The following ASB7 variants were observed in gnomAD, a reference collection of about 807,000 sequenced individuals.
The protein encoded by ASB7 is ankyrin repeat and SOCS box protein 7.
Under a neutral mutation model 32.5 loss-of-function variants are expected in ASB7, and 4 were observed. The ratio of observed to expected loss-of-function variants is 0.12; its 90% confidence interval spans 0.06 to 0.28. ASB7 has a LOEUF of 0.28. Ranked by LOEUF, ASB7 falls within the 10% of genes least tolerant of loss-of-function variation. The probability of loss-of-function intolerance (pLI) is 1.00; values close to 1 mark genes in which losing one functional copy is unlikely to be tolerated. For synonymous variants in ASB7, 172 were observed against 155.6 expected, an observed-to-expected ratio of 1.11 and a Z score of -0.78; for missense variants, 181 against 407.1, an observed-to-expected ratio of 0.44 and a Z score of 4.78.
At chr15:100,605,514 T>C (rs1375255392) in intron 2 of ASB7, among the ~76,000 whole-genome samples, 1 of 152,262 alleles carries the variant, frequency 6.6e-6, no homozygotes, top group Non-Finnish European at 1.5e-5. Context: ...TAGTTAATAC[T>C]ATGACACATA....
rs953774412 is a variant in ASB7 at position 100,646,004 on chromosome 15, C to T, written c.818-2319C>T. 3.4e-5 allele frequency: 16 copies of T among 474,102 alleles called. No individual in the cohort carries two copies. In the East Asian group the frequency reaches 4.4e-4, roughly 13 times the overall value. 29.4% of individuals were successfully genotyped at this position (474,102 alleles called of 1,614,324 possible). On this transcript the variant is annotated intron_variant, in intron 5 of 5. Coordinates refer to ENST00000332783, the MANE Select transcript of ASB7 (RefSeq NM_198243.3). ...CAGTTTGTGGATTCCTCCATTTCATCTTCTTCTGTAGGGACAGTAGACCAG... is the reference window on the plus strand; with the variant it reads ...CAGTTTGTGGATTCCTCCATTTCATTTTCTTCTGTAGGGACAGTAGACCAG...
intron 4 of ASB7, among the ~76,000 whole-genome samples, chr15:100,613,199 A>G (rs942343674): frequency 2.6e-5 from 4 of 152,234 alleles, no homozygotes; most frequent in African/African-American, 9.6e-5. Context: ...CTCAAATTAC[A>G]TACATGCCAT....
At chr15:100,630,368 A>G (rs1295636087) in intron 5 of ASB7, among the ~76,000 whole-genome samples, 1 of 152,224 alleles carries the variant, frequency 6.6e-6, no homozygotes, top group Non-Finnish European at 1.5e-5. Flanking sequence ...TCATAAGGAT[A>G]ATCTTACCTG....
intron 5 of ASB7, among the ~76,000 whole-genome samples, chr15:100,635,718 ACT>A: frequency 6.6e-6 from 1 of 151,804 alleles, no homozygotes; most frequent in Middle Eastern, 3.4e-3. Flanking sequence ...CTTCTGATTC[ACT>A]CTCAGTCTTT....
At chr15:100,616,188 G>GA (rs779826875) in intron 4 of ASB7, among the ~76,000 whole-genome samples, 5 of 151,368 alleles carry the variant, frequency 3.3e-5, no homozygotes, top group South Asian at 4.2e-4. Context: ...TTTTTTCTTG[G>GA]AAAAAATGAC....
intron 4 of ASB7, among the ~76,000 whole-genome samples, chr15:100,615,997 A>G (rs1290649568): frequency 6.6e-6 from 1 of 152,226 alleles, no homozygotes; most frequent in Non-Finnish European, 1.5e-5. Context: ...CTAGAAGTGC[A>G]TTTGCCAAGT....
At position 100,613,670 on chromosome 15, in the gene ASB7, G is replaced by A. The variant is rs140046344; in HGVS notation, c.211+1243G>A. Among the ~76,000 whole-genome samples the A allele has an allele frequency of 2.4e-4, 36 of 152,246 alleles. No individual in the cohort carries two copies. In the East Asian group the frequency reaches 6.6e-3, roughly 28 times the overall value. On this transcript the variant is annotated intron_variant, in intron 4 of 5. Transcript: ENST00000332783. Reference sequence around the variant, plus strand: ...CAGAACGGTTAAAATTCTATGCAGGGCTTCATAACATTAAGACCAAGATGA... The same window carrying A: ...CAGAACGGTTAAAATTCTATGCAGGACTTCATAACATTAAGACCAAGATGA...
At position 100,630,081 on chromosome 15, in the gene ASB7, A is replaced by G. The variant is rs750397604; in HGVS notation, c.817+39A>G. ...TTATTACTTTATTGCATTTTTTAAA[A>G]ATTTGCATCTTCTGAGGAGCTTAAT... is the stretch of plus-strand genomic sequence containing the variant. On this transcript the variant is annotated intron_variant, in intron 5 of 5. Transcript: ENST00000332783. The G allele has an allele frequency of 6.7e-7, 1 of 1,498,712 alleles. No individual in the cohort carries two copies. The highest frequency in any genetic ancestry group is 1.4e-5 in the African/African-American group (1 of 70,934). 92.8% of individuals were successfully genotyped at this position (1,498,712 alleles called of 1,614,324 possible).
At chr15:100,604,869 A>T (rs905439216) in intron 2 of ASB7, among the ~76,000 whole-genome samples, 7 of 152,218 alleles carry the variant, frequency 4.6e-5, no homozygotes, top group African/African-American at 1.7e-4. Flanking sequence ...CAGAACTTTT[A>T]AAAAATGCTA....
At chr15:100,612,916 A>C (rs774230926) in intron 4 of ASB7, among the ~76,000 whole-genome samples, 1 of 152,238 alleles carries the variant, frequency 6.6e-6, no homozygotes, top group Non-Finnish European at 1.5e-5. Flanking sequence ...CAGAAACTGT[A>C]CATAGTTTGT....
chr15:100,632,356 C>G (rs1440335744), intron 5 of ASB7, among the ~76,000 whole-genome samples: 1 of 152,198 alleles, frequency 6.6e-6, no homozygotes, highest in Non-Finnish European at 1.5e-5. Context: ...CTTCAGGTGC[C>G]TCAACATAAT....
At chr15:100,614,742 C>CAAAAAAAAAAAAAAAAAAA (rs58705118) in intron 4 of ASB7, among the ~76,000 whole-genome samples, 1 of 57,208 alleles carries the variant, frequency 1.7e-5, no homozygotes, top group Non-Finnish European at 4.0e-5. Context: ...AGCTGATGAG[C>CAAAAAAAAAAAAAAAAAAA]AAAAAAAAAA....
rs144761275 is a variant in ASB7, at chr15:100,619,420, T to C, written c.211+6993T>C. Among the ~76,000 whole-genome samples, 701 of 152,280 alleles carry C rather than the reference T, an allele frequency of 4.6e-3. 2 individuals carry two copies. The highest frequency in any genetic ancestry group is 0.016 in the African/African-American group (665 of 41,544). ...TAGCTAGTTATAGTATGTGAACATA[T>C]CAGAAGGGCGTAAGCCCTAAGGCAA... On this transcript the variant is annotated intron_variant, in intron 4 of 5. Transcript: ENST00000332783.
intron 5 of ASB7, among the ~76,000 whole-genome samples, chr15:100,636,451 T>C (rs2039923961): frequency 6.6e-6 from 1 of 152,236 alleles, no homozygotes; most frequent in South Asian, 2.1e-4. Context: ...TGGGATCAGG[T>C]GTCTCCTGTA....
chr15:100,630,799 C>T (rs896396418), intron 5 of ASB7, among the ~76,000 whole-genome samples: 12 of 152,152 alleles, frequency 7.9e-5, no homozygotes, highest in Non-Finnish European at 1.8e-4. Flanking sequence ...CAAGCTTCCA[C>T]GTGACCAGTT....
intron 5 of ASB7, among the ~76,000 whole-genome samples, chr15:100,644,515 T>A (rs1187442743): frequency 6.6e-6 from 1 of 152,228 alleles, no homozygotes; most frequent in Non-Finnish European, 1.5e-5. Flanking sequence ...TTTTATACTT[T>A]AAGGACAAGC....
chr15:100,621,091 C>T (rs1223239952), intron 4 of ASB7, among the ~76,000 whole-genome samples: 2 of 152,122 alleles, frequency 1.3e-5, no homozygotes, highest in Admixed American at 1.3e-4. Flanking sequence ...GTGACACTGG[C>T]ACACTGATGG....
At chr15:100,646,239 C>T (rs1311611363) in intron 5 of ASB7, 1 of 400,016 alleles carries the variant, frequency 2.5e-6, no homozygotes, top group East Asian at 5.8e-5. Context: ...TAACAATATC[C>T]ATGTGTCCCA....
At chr15:100,630,723 C>T (rs541500279) in intron 5 of ASB7, among the ~76,000 whole-genome samples, 3 of 152,104 alleles carry the variant, frequency 2.0e-5, no homozygotes, top group South Asian at 2.1e-4. Flanking sequence ...TGTGTAGTAA[C>T]GCGTGCGTCC....
Sources: gnomAD v4.1 joint callset for allele counts (sites outside exome capture counted in the v4.1 genomes callset) on GRCh38, gnomAD v4.1.1 for gene constraint, MANE v1.5 for transcripts, NCBI Gene and HGNC (gene_info 2026-07-23, HGNC 2026-07-21) for gene names.